Variants in AGXT observed in about 807,000 individuals in gnomAD.
AGXT encodes the protein L-alanine: glyoxylate aminotransferase 1.
A neutral mutation model predicts 46.9 loss-of-function variants in AGXT; 41 were observed. The observed-to-expected ratio is 0.88, with a 90% CI of 0.68 to 1.14. The LOEUF (loss-of-function observed/expected upper bound fraction) is 1.14, where lower values mean the gene tolerates loss of function less well. Among genes scored for constraint, AGXT ranks in the 50% most tolerant of loss-of-function variants. The pLI is 0.00. For missense variants in AGXT, 525 were observed against 522.7 expected (o/e 1.00, Z -0.04); for synonymous variants, 244 against 227.9 (o/e 1.07, Z -0.64).
At chr2:240,873,314 C>T (rs1480423569) in intron 5 of AGXT, 5 of 499,094 alleles carry the variant, frequency 1.0e-5, no homozygotes, top group East Asian at 3.5e-5. Flanking sequence ...TTGAGATGCC[C>T]CAGAGCTGTA....
chr2:240,870,439 C>T (rs971638102), intron 2 of AGXT, among the ~76,000 whole-genome samples: 2 of 151,926 alleles, frequency 1.3e-5, no homozygotes, highest in African/African-American at 4.8e-5. Context: ...GCTCCAACAG[C>T]AGGGGGGTCA....
At chr2:240,877,728 A>G in intron 9 of AGXT, 96 bp downstream of exon 9, 2 of 1,375,230 alleles carry the variant, frequency 1.5e-6, no homozygotes, top group East Asian at 5.0e-5. Context: ...GCTCCTGAGA[A>G]GGAGGGGGCG....
rs1559569209 is a variant in AGXT, at chr2:240,872,324, G to GGAGGAGGGTGAGAGTTCGTGAACATGC, written c.525-655_525-654insGAGGAGGGTGAGAGTTCGTGAACATGC. 2.2e-3 allele frequency among the ~76,000 whole-genome samples: 66 copies of GGAGGAGGGTGAGAGTTCGTGAACATGC among 30,688 alleles called. 1 individual carries two copies. Among genetic ancestry groups the GGAGGAGGGTGAGAGTTCGTGAACATGC allele is most frequent in the Non-Finnish European group, 2.6e-3 (33 of 12,664 alleles). The allele number at this position is 30,688 out of a possible 152,430, so 20.1% of individuals were successfully genotyped here. On this transcript the variant is annotated intron_variant, in intron 4 of 10. Coordinates refer to ENST00000307503, the MANE Select transcript of AGXT (RefSeq NM_000030.3). ...AGGAGGGTGAGAGTTCGTGAACATG[G>GGAGGAGGGTGAGAGTTCGTGAACATGC]AGGAGGAGGAGGGTGAGAGTTCGTG...
At chr2:240,873,360 A>T (rs1432031099) in intron 5 of AGXT, 2 of 394,290 alleles carry the variant, frequency 5.1e-6, no homozygotes, top group South Asian at 3.2e-5. Flanking sequence ...CCAGGGCTCC[A>T]GTCAATCAGG....
At position 240,868,993 on chromosome 2, in the gene AGXT, T is replaced by C; in HGVS notation, c.128T>C (p.Leu43Pro). The C allele has an allele frequency of 6.7e-7, 1 of 1,497,808 alleles. No individual in the cohort carries two copies. Among genetic ancestry groups the C allele is most frequent in the Non-Finnish European group, 9.0e-7 (1 of 1,108,078 alleles). The allele number at this position is 1,497,808 out of a possible 1,614,324, so 92.8% of individuals were successfully genotyped here. Residue 43 changes from leucine to proline, a missense_variant, in exon 1 of 11, where the codon CTG becomes CCG. Leu to Pro is a moderately conservative substitution (Grantham distance 98, BLOSUM62 -3). Coordinates refer to ENST00000307503, the MANE Select transcript of AGXT (RefSeq NM_000030.3). ...LPPRIMAAGG[L>P]QMIGSMSKDM... ...CCTCGCATCATGGCAGCCGGGGGGCTGCAGATGATCGGGTCCATGAGCAAG... is the reference window on the plus strand; with the variant it reads ...CCTCGCATCATGGCAGCCGGGGGGCCGCAGATGATCGGGTCCATGAGCAAG...
chr2:240,875,429 C>T (rs1373162085), intron 7 of AGXT, among the ~76,000 whole-genome samples: 6 of 152,372 alleles, frequency 3.9e-5, no homozygotes, highest in East Asian at 3.9e-4. Flanking sequence ...ATGGCCCCCA[C>T]TGCCGCTTCC....
intron 2 of AGXT, among the ~76,000 whole-genome samples, chr2:240,869,903 C>T (rs529998648): frequency 2.0e-5 from 3 of 152,278 alleles, no homozygotes; most frequent in African/African-American, 7.2e-5. Flanking sequence ...CATTGAGGGA[C>T]ATCAGCTTGG....
chr2:240,879,263 AG>A lies in AGXT; in HGVS notation c.*443del. The A allele has an allele frequency of 4.0e-6, 1 of 251,136 alleles. No homozygotes were observed. Among genetic ancestry groups the A allele is most frequent in the South Asian group, 4.9e-5 (1 of 20,420 alleles). 15.6% of individuals were successfully genotyped at this position (251,136 alleles called of 1,614,324 possible). On this transcript the variant is annotated 3_prime_UTR_variant, in exon 11 of 11. Coordinates refer to ENST00000307503, the MANE Select transcript of AGXT (RefSeq NM_000030.3). ...GGAGGAGGTGCTGTCACCACACTCTAGCCCCAGATGTCACACCCCCAAACGT... is the reference window on the plus strand; with the variant it reads ...GGAGGAGGTGCTGTCACCACACTCTACCCCAGATGTCACACCCCCAAACGT...
At chr2:240,874,740 A>G (rs763430811) in intron 6 of AGXT, among the ~76,000 whole-genome samples, 109 of 152,216 alleles carry the variant, frequency 7.2e-4, no homozygotes, top group Non-Finnish European at 3.2e-4. Context: ...GGACACATTT[A>G]AAGTTTCAAG....
chr2:240,872,510 C>T (rs1221266267), intron 4 of AGXT, among the ~76,000 whole-genome samples: 1 of 147,652 alleles, frequency 6.8e-6, no homozygotes, highest in Non-Finnish European at 1.5e-5. Context: ...GTTTGTGGCG[C>T]TGCTGCTTGG....
rs2106430455 is a variant in AGXT at position 240,875,187 on chromosome 2, T to C, written c.759T>C (p.Cys253=). The change falls in exon 7 of 11, where the codon TGT becomes TGC. Residue 253 remains cysteine, a synonymous_variant. Coordinates refer to ENST00000307503, the MANE Select transcript of AGXT (RefSeq NM_000030.3). ...DIKWLANFWG[C]DDQPRMYHHT... is the part of the protein sequence containing the mutation. The stretch of plus-strand genomic sequence containing the variant: ...AGTGGCTGGCCAACTTCTGGGGCTG[T>C]GACGACCAGCCCAGGATGTGAGGCC... The C allele has an allele frequency of 6.2e-7, 1 of 1,613,320 alleles. No individual in the cohort carries two copies. Among genetic ancestry groups the C allele is most frequent in the Non-Finnish European group, 8.5e-7 (1 of 1,179,320 alleles).
At chr2:240,872,602 C>A (rs572815649) in intron 4 of AGXT, among the ~76,000 whole-genome samples, 1 of 152,180 alleles carries the variant, frequency 6.6e-6, no homozygotes, top group South Asian at 2.1e-4. Context: ...GTAGGCCCAG[C>A]CTGGTGCCAC....
chr2:240,873,625 G>A (rs2059003523), intron 5 of AGXT, among the ~76,000 whole-genome samples: 1 of 152,186 alleles, frequency 6.6e-6, no homozygotes. Context: ...CTCCTGATTT[G>A]GGAGTTCTCA....
At chr2:240,873,320 C>G in intron 5 of AGXT, 1 of 485,102 alleles carries the variant, frequency 2.1e-6, no homozygotes, top group Non-Finnish European at 3.7e-6. Flanking sequence ...TGCCCCAGAG[C>G]TGTAGCAGAA....
chr2:240,870,517 C>G, intron 2 of AGXT, 127 bp from the exon 3 acceptor site: 4 of 1,113,924 alleles, frequency 3.6e-6, no homozygotes, highest in Non-Finnish European at 5.2e-6. Context: ...TTCAGGCAGG[C>G]AGCCAGGGTG....
In AGXT at chr2:240,878,750, C is replaced by G; in HGVS notation, c.1108C>G (p.Arg370Gly). The G allele has an allele frequency of 6.3e-7, 1 of 1,584,434 alleles. No individual in the cohort carries two copies. Among genetic ancestry groups the G allele is most frequent in the South Asian group, 1.2e-5 (1 of 86,568 alleles). The change falls in exon 11 of 11, where the codon CGC (arginine) becomes GGC (glycine). Residue 370 changes from arginine to glycine, a missense_variant. Coordinates refer to ENST00000307503, the MANE Select transcript of AGXT (RefSeq NM_000030.3). Reference protein sequence around the residue: ...RIGLLGCNATRENVDRVTEAL... With the variant: ...RIGLLGCNATGENVDRVTEAL... ...CGGCCTGCTGGGCTGCAATGCCACC[C>G]GCGAGAATGTGGACCGCGTGACGGA...
Position 240,878,044 on chromosome 2 carries a change from C to G in AGXT, c.965C>G (p.Thr322Ser). The G allele has an allele frequency of 6.2e-7, 1 of 1,612,838 alleles. No individual in the cohort carries two copies. The highest frequency in any genetic ancestry group is 8.5e-7 in the Non-Finnish European group (1 of 1,180,012). ...KDPALRLPTV[T>S]TVAVPAGYDW... ...CAGGCGCTCCGGCTTCCCACAGTCACCACTGTGGCTGTACCCGCTGGCTAT... is the reference window on the plus strand; with the variant it reads ...CAGGCGCTCCGGCTTCCCACAGTCAGCACTGTGGCTGTACCCGCTGGCTAT... The change falls in exon 10 of 11, where the codon ACC (threonine) becomes AGC (serine). Residue 322 changes from threonine (T) to serine (S), a missense_variant. Thr to Ser is a moderately conservative substitution (Grantham distance 58). Coordinates refer to ENST00000307503, the MANE Select transcript of AGXT (RefSeq NM_000030.3).
intron 7 of AGXT, 58 bp downstream of exon 7, chr2:240,875,262 C>T (rs758253946): frequency 5.2e-5 from 73 of 1,411,128 alleles, no homozygotes; most frequent in Non-Finnish European, 7.0e-5. Context: ...AGAGGTGGGG[C>T]GCTGGCCTCT....
chr2:240,875,947 A>G lies in AGXT; in HGVS notation c.789A>G (p.Thr263=), dbSNP rs561402437. Residue 263 remains threonine, a synonymous_variant, in exon 8 of 11, where the codon ACA becomes ACG. Coordinates refer to ENST00000307503, the MANE Select transcript of AGXT (RefSeq NM_000030.3). ...CDDQPRMYHH[T]IPVISLYSLR... ...TCGTGTCTTCCAGGTACCATCACAC[A>G]ATCCCCGTCATCAGCCTGTACAGCC... 2 of 1,614,150 alleles carry G rather than the reference A, an allele frequency of 1.2e-6. No individual in the cohort carries two copies. The highest frequency in any genetic ancestry group is 2.7e-5 in the African/African-American group (2 of 75,042).
Sources: allele counts gnomAD v4.1 joint callset (sites outside exome capture counted in the v4.1 genomes callset), GRCh38; gene constraint gnomAD v4.1.1; transcripts MANE v1.5; gene names NCBI Gene and HGNC (gene_info 2026-07-23, HGNC 2026-07-21).